Variants in HS2ST1 observed in about 807,000 individuals in gnomAD.
The protein encoded by HS2ST1 is 2-O-sulfotransferase.
Under a neutral mutation model 42.9 loss-of-function variants are expected in HS2ST1, and 18 were observed. That is an observed-to-expected ratio of 0.42 (90% CI 0.29 to 0.62). The LOEUF is 0.62. Ranked by LOEUF, HS2ST1 falls within the 20% of genes least tolerant of loss-of-function variation. The pLI is 0.21. For synonymous variants in HS2ST1, 146 were observed against 152.9 expected (o/e 0.95, Z 0.33); for missense variants, 334 against 433.8 (o/e 0.77, Z 2.04).
intron 1 of HS2ST1, among the ~76,000 whole-genome samples, chr1:87,061,914 T>A (rs1651129589): frequency 6.6e-6 from 1 of 151,842 alleles, no homozygotes; most frequent in Non-Finnish European, 1.5e-5. Context: ...TTCCTATTCT[T>A]TTCTCTTTTT....
intron 1 of HS2ST1, among the ~76,000 whole-genome samples, chr1:86,925,837 T>C (rs905227208): frequency 6.6e-6 from 1 of 152,210 alleles, no homozygotes; most frequent in African/African-American, 2.4e-5. Flanking sequence ...ACTAATTCTA[T>C]CATCTGGGTC....
chr1:87,109,668 T>G lies in HS2ST1; in HGVS notation c.*4972T>G, dbSNP rs1652424335. The G allele has an allele frequency of 6.6e-6, 1 of 152,118 alleles. No individual in the cohort carries two copies. The highest frequency in any genetic ancestry group is 1.5e-5 in the Non-Finnish European group (1 of 67,982). 9.4% of individuals were successfully genotyped at this position (152,118 alleles called of 1,614,324 possible). ...TGCTTGATTGATTCTATTTATATTA[T>G]ATGATATTGGGTTGATAAAATACCA... On this transcript the variant is annotated 3_prime_UTR_variant, in exon 7 of 7. Transcript: ENST00000370550.
At chr1:86,960,527 A>C (rs1166624227) in intron 1 of HS2ST1, among the ~76,000 whole-genome samples, 1 of 152,212 alleles carries the variant, frequency 6.6e-6, no homozygotes, top group Non-Finnish European at 1.5e-5. Context: ...AAATCTTTGG[A>C]AAATACATAC....
chr1:86,925,800 T>C (rs1660405155), intron 1 of HS2ST1, among the ~76,000 whole-genome samples: 1 of 152,222 alleles, frequency 6.6e-6, no homozygotes, highest in African/African-American at 2.4e-5. Context: ...AATATTGTTA[T>C]AATAACTCTT....
chr1:87,082,354 A>G (rs145159944), intron 2 of HS2ST1, among the ~76,000 whole-genome samples: 302 of 152,320 alleles, frequency 2.0e-3, no homozygotes, highest in South Asian at 2.5e-3. Context: ...CACGTCTTTC[A>G]CTACAGTATA....
At chr1:87,006,016 ACT>A (rs1649429515) in intron 1 of HS2ST1, among the ~76,000 whole-genome samples, 1 of 152,148 alleles carries the variant, frequency 6.6e-6, no homozygotes, top group African/African-American at 2.4e-5. Flanking sequence ...GGTTTTCATA[ACT>A]TTCTAAATAT....
chr1:86,940,015 A>T (rs768809594), intron 1 of HS2ST1, among the ~76,000 whole-genome samples: 1 of 152,168 alleles, frequency 6.6e-6, no homozygotes, highest in African/African-American at 2.4e-5. Context: ...ATTTTTTTGT[A>T]AGCTATTTTT....
intron 1 of HS2ST1, among the ~76,000 whole-genome samples, chr1:86,932,723 G>A (rs1660569982): frequency 6.6e-6 from 1 of 152,242 alleles, no homozygotes; most frequent in Non-Finnish European, 1.5e-5. Context: ...CTTTTCAAGG[G>A]GAGGAGACAG....
intron 1 of HS2ST1, among the ~76,000 whole-genome samples, chr1:87,002,715 T>A (rs532680667): frequency 1.7e-4 from 26 of 152,310 alleles, no homozygotes; most frequent in Non-Finnish European, 3.4e-4. Context: ...ATTGCCCTTT[T>A]GACCAAAAAG....
intron 1 of HS2ST1, among the ~76,000 whole-genome samples, chr1:86,929,364 A>T (rs1392685363): frequency 1.3e-5 from 2 of 151,818 alleles, no homozygotes; most frequent in Non-Finnish European, 3.0e-5. Flanking sequence ...ATGATGTTAC[A>T]TGAGTTATAG....
At chr1:87,042,933 A>G (rs1650558233) in intron 1 of HS2ST1, among the ~76,000 whole-genome samples, 1 of 152,122 alleles carries the variant, frequency 6.6e-6, no homozygotes, top group South Asian at 2.1e-4. Flanking sequence ...CATGCTTCCT[A>G]TAAAGCATGT....
intron 1 of HS2ST1, among the ~76,000 whole-genome samples, chr1:87,049,210 ATAT>A (rs1218915100): frequency 6.6e-6 from 1 of 151,938 alleles, no homozygotes; most frequent in East Asian, 1.9e-4. Context: ...GTTGCTTATA[ATAT>A]TCTTTTATTG....
At chr1:87,103,721 G>A (rs1398082069) in intron 6 of HS2ST1, 132 bp downstream of exon 6, 3 of 697,970 alleles carry the variant, frequency 4.3e-6, no homozygotes, top group East Asian at 2.9e-5. Context: ...GTATCTTGTC[G>A]GTTTCTGCTC....
At chr1:86,971,257 A>G (rs1648224352) in intron 1 of HS2ST1, among the ~76,000 whole-genome samples, 3 of 152,178 alleles carry the variant, frequency 2.0e-5, no homozygotes, top group Admixed American at 6.6e-5. Flanking sequence ...GTTAAGGCCT[A>G]TAGAACTCCT....
rs558606392 is a variant in HS2ST1 at position 86,972,187 on chromosome 1, A to G, written c.124+57027A>G. Among the ~76,000 whole-genome samples the G allele has an allele frequency of 3.9e-5, 6 of 152,342 alleles. No homozygotes were observed. The East Asian group carries it at 7.7e-4, about 20-fold the overall frequency. Reference sequence around the variant, plus strand: ...CTTTTAAAAAACGTTTTGTGTTTACATATATACATACCTCCTTCATCCTAG... The same window carrying G: ...CTTTTAAAAAACGTTTTGTGTTTACGTATATACATACCTCCTTCATCCTAG... On this transcript the variant is annotated intron_variant, in intron 1 of 6. Transcript: ENST00000370550.
intron 1 of HS2ST1, among the ~76,000 whole-genome samples, chr1:87,051,616 A>G (rs534418615): frequency 3.9e-5 from 6 of 152,192 alleles, no homozygotes; most frequent in African/African-American, 7.2e-5. Flanking sequence ...AAAATTCAGT[A>G]AAACACAATT....
chr1:87,100,578 A>G (rs1652174678), intron 5 of HS2ST1, among the ~76,000 whole-genome samples: 1 of 152,154 alleles, frequency 6.6e-6, no homozygotes, highest in African/African-American at 2.4e-5. Flanking sequence ...TAACCTCCTT[A>G]ATAAGTGATT....
At chr1:87,070,572 A>G (rs569739157) in intron 1 of HS2ST1, among the ~76,000 whole-genome samples, 2 of 152,264 alleles carry the variant, frequency 1.3e-5, no homozygotes, top group South Asian at 4.1e-4. Context: ...AGCCTGGGTG[A>G]CAGAGTGAGA....
At chr1:87,010,611 C>A (rs919090436) in intron 1 of HS2ST1, among the ~76,000 whole-genome samples, 2 of 151,768 alleles carry the variant, frequency 1.3e-5, no homozygotes, top group Non-Finnish European at 2.9e-5. Flanking sequence ...TAGATATTTT[C>A]ATATGTAGAC....
Sources: gnomAD v4.1 joint callset for allele counts (sites outside exome capture counted in the v4.1 genomes callset) on GRCh38, gnomAD v4.1.1 for gene constraint, MANE v1.5 for transcripts, NCBI Gene and HGNC (gene_info 2026-07-23, HGNC 2026-07-21) for gene names.